The following ALMS1 variants were observed in gnomAD, a reference collection of about 807,000 sequenced individuals.
The protein encoded by ALMS1 is ALMS1 centrosome and basal body associated protein, also known as centrosome-associated protein ALMS1.
A neutral mutation model predicts 352.2 loss-of-function variants in ALMS1; 271 were observed. The observed-to-expected ratio is 0.77, with a 90% CI of 0.70 to 0.85. ALMS1 has a LOEUF of 0.85. Ranked by LOEUF, ALMS1 falls within the 40% of genes least tolerant of loss-of-function variation. The pLI is 0.00. For missense variants in ALMS1, 5,445 were observed against 4,870.7 expected (o/e 1.12, Z -3.51); for synonymous variants, 1,865 against 1,761.2 (o/e 1.06, Z -1.48).
In ALMS1 at chr2:73,601,406, A is replaced by G. The variant is rs1429155585; in HGVS notation, c.12084A>G (p.Leu4028=). ...AGPGREAGRD[L]LRPFVRATLQ... The stretch of plus-strand genomic sequence containing the variant: ...CAGGCAGAGAGGCTGGCAGAGACCT[A>G]CTGAGGCCATTTGTGAGAGCAACCC... The change falls in exon 19 of 23, where the codon CTA becomes CTG. Residue 4028 remains leucine (L), a synonymous_variant. Transcript: ENST00000613296. 3 of 1,614,034 alleles carry G rather than the reference A, an allele frequency of 1.9e-6. No individual in the cohort carries two copies. Among genetic ancestry groups the G allele is most frequent in the South Asian group, 1.1e-5 (1 of 91,086 alleles).
intron 10 of ALMS1, among the ~76,000 whole-genome samples, chr2:73,515,432 T>G (rs1041972814): frequency 6.6e-5 from 10 of 152,124 alleles, no homozygotes; most frequent in African/African-American, 2.4e-4. Context: ...TTTGATCATT[T>G]TTTCCTGCTT....
chr2:73,513,986 G>A (rs1382103193), intron 10 of ALMS1, among the ~76,000 whole-genome samples: 1 of 152,074 alleles, frequency 6.6e-6, no homozygotes, highest in Admixed American at 6.6e-5. Context: ...TGTTTGGGAT[G>A]GGAAAGATAA....
intron 10 of ALMS1, among the ~76,000 whole-genome samples, chr2:73,497,549 G>C (rs1227062763): frequency 1.3e-5 from 2 of 151,922 alleles, no homozygotes; most frequent in Non-Finnish European, 2.9e-5. Context: ...TACAAGTTAT[G>C]TTAACACTAT....
At chr2:73,473,850 A>G (rs777034621) in intron 9 of ALMS1, among the ~76,000 whole-genome samples, 16 of 152,088 alleles carry the variant, frequency 1.1e-4, no homozygotes, top group Non-Finnish European at 1.9e-4. Flanking sequence ...AGAAAAGAAT[A>G]AAGAAAATGA....
Position 73,450,522 on chromosome 2 carries a change from C to T in ALMS1, c.3995C>T (p.Thr1332Ile). The T allele has an allele frequency of 2.5e-6, 4 of 1,612,836 alleles. No individual in the cohort carries two copies. The highest frequency in any genetic ancestry group is 1.1e-5 in the South Asian group (1 of 91,022). The change falls in exon 8 of 23, where the codon ACT becomes ATT. Residue 1332 changes from threonine to isoleucine, a missense_variant. Transcript: ENST00000613296. ...QKTVIPILPS[T>I]FYSHTEKPGV... Reference sequence around the variant, plus strand: ...ACTGTGATACCAATTTTACCCTCTACTTTCTACTCACACACAGAGAAGCCT... The same window carrying T: ...ACTGTGATACCAATTTTACCCTCTATTTTCTACTCACACACAGAGAAGCCT...
At chr2:73,473,422 G>C (rs557574961) in intron 9 of ALMS1, among the ~76,000 whole-genome samples, 10 of 152,132 alleles carry the variant, frequency 6.6e-5, no homozygotes, top group African/African-American at 2.4e-4. Flanking sequence ...ACAACAAGCA[G>C]TAACAGCAAA....
At chr2:73,500,319 C>A (rs1285142203) in intron 10 of ALMS1, among the ~76,000 whole-genome samples, 1 of 152,208 alleles carries the variant, frequency 6.6e-6, no homozygotes, top group Non-Finnish European at 1.5e-5. Context: ...CTGTTCACAT[C>A]TGTTGTCTGT....
rs189547662 is a variant in ALMS1, at chr2:73,516,095, C to G, written c.9540-3680C>G. Among the ~76,000 whole-genome samples the G allele has an allele frequency of 5.1e-4, 78 of 152,070 alleles. 1 individual carries two copies. In the East Asian group the frequency reaches 0.011, roughly 21 times the overall value. ...GAATCTGTAAGGAACTTAAGCAGTTCAACAAGCAAAGAACAACCCTATTTA... is the reference window on the plus strand; with the variant it reads ...GAATCTGTAAGGAACTTAAGCAGTTGAACAAGCAAAGAACAACCCTATTTA... On this transcript the variant is annotated intron_variant, in intron 10 of 22. Coordinates refer to ENST00000613296, the MANE Select transcript of ALMS1 (RefSeq NM_001378454.1).
chr2:73,574,572 G>A (rs762822684), intron 16 of ALMS1, among the ~76,000 whole-genome samples: 1 of 152,106 alleles, frequency 6.6e-6, no homozygotes, highest in Non-Finnish European at 1.5e-5. Context: ...GGAGGCATGA[G>A]ATGTTCAGAC....
chr2:73,507,387 G>A (rs1035285377), intron 10 of ALMS1, among the ~76,000 whole-genome samples: 2 of 152,096 alleles, frequency 1.3e-5, no homozygotes, highest in Non-Finnish European at 2.9e-5. Context: ...GGTAGAATTC[G>A]GCTGTGAATC....
In ALMS1 at chr2:73,450,171, C is replaced by T. The variant is rs2103779682; in HGVS notation, c.3644C>T (p.Ala1215Val). The T allele has an allele frequency of 1.2e-6, 2 of 1,614,034 alleles. No homozygotes were observed. The highest frequency in any genetic ancestry group is 1.7e-6 in the Non-Finnish European group (2 of 1,179,964). The change falls in exon 8 of 23, where the codon GCA (alanine) becomes GTA (valine). Residue 1215 changes from alanine to valine, a missense_variant. Transcript: ENST00000613296. ...TLPGSHIPEE[A>V]QKVSPVLGPA... ...CCAGGTAGTCACATACCTGAAGAGG[C>T]ACAGAAAGTTTCACCTGTTCTTGGA...
At position 73,490,420 on chromosome 2, in the gene ALMS1, C is replaced by A; in HGVS notation, c.8461C>A (p.His2821Asn). ...PLERSDFTGS[H>N]SEPSTRANCS... ...AGAAAGATCAGATTTTACAGGCAGTCATTCTGAGCCCAGTACCAGGGCAAA... is the reference window on the plus strand; with the variant it reads ...AGAAAGATCAGATTTTACAGGCAGTAATTCTGAGCCCAGTACCAGGGCAAA... Residue 2821 changes from histidine (H) to asparagine (N), a missense_variant, in exon 10 of 23, where the codon CAT (histidine) becomes AAT (asparagine). Coordinates refer to ENST00000613296, the MANE Select transcript of ALMS1 (RefSeq NM_001378454.1). 6.2e-7 allele frequency: 1 copy of A among 1,614,128 alleles called. No homozygotes were observed. The highest frequency in any genetic ancestry group is 1.1e-5 in the South Asian group (1 of 91,068).
chr2:73,576,359 A>C (rs769477982), intron 16 of ALMS1, among the ~76,000 whole-genome samples: 2 of 152,066 alleles, frequency 1.3e-5, no homozygotes, highest in African/African-American at 4.8e-5. Context: ...CATATGTGCA[A>C]TTTCTTTCTT....
intron 9 of ALMS1, among the ~76,000 whole-genome samples, chr2:73,465,629 TTGACAAA>T (rs1672319279): frequency 6.6e-6 from 1 of 151,996 alleles, no homozygotes; most frequent in Non-Finnish European, 1.5e-5. Context: ...AAAGCCAAAA[TTGACAAA>T]TGGGATCTAA....
intron 16 of ALMS1, among the ~76,000 whole-genome samples, chr2:73,596,819 CTT>C (rs1230765443): frequency 2.2e-5 from 3 of 136,058 alleles, no homozygotes; most frequent in Non-Finnish European, 3.1e-5. Context: ...ATTGCTGTAA[CTT>C]TATAAGATTT....
chr2:73,582,630 T>G (rs1167637378), intron 16 of ALMS1, among the ~76,000 whole-genome samples: 1 of 152,228 alleles, frequency 6.6e-6, no homozygotes, highest in African/African-American at 2.4e-5. Flanking sequence ...GATTTGTCTT[T>G]TTGTGACTGA....
intron 12 of ALMS1, among the ~76,000 whole-genome samples, chr2:73,538,123 C>G (rs1211818368): frequency 6.6e-6 from 1 of 152,150 alleles, no homozygotes; most frequent in Non-Finnish European, 1.5e-5. Flanking sequence ...AGGTGACTCA[C>G]AGCATAGGAG....
At chr2:73,495,795 T>C (rs1213087340) in intron 10 of ALMS1, among the ~76,000 whole-genome samples, 3 of 152,180 alleles carry the variant, frequency 2.0e-5, no homozygotes, top group Non-Finnish European at 4.4e-5. Context: ...ATTCTAGCCT[T>C]TCCCCTTTCT....
intron 16 of ALMS1, among the ~76,000 whole-genome samples, chr2:73,593,197 A>G (rs971715356): frequency 6.6e-6 from 1 of 152,048 alleles, no homozygotes; most frequent in South Asian, 2.1e-4. Context: ...TCAGGAAAAA[A>G]AAAAAAAAAA....
Sources: gnomAD v4.1 joint callset for allele counts (sites outside exome capture counted in the v4.1 genomes callset) on GRCh38, gnomAD v4.1.1 for gene constraint, MANE v1.5 for transcripts, NCBI Gene and HGNC (gene_info 2026-07-23, HGNC 2026-07-21) for gene names.